PTH2R: variants seen among roughly 807,000 people sequenced by gnomAD.
The protein encoded by PTH2R is PTH2 receptor.
A neutral mutation model predicts 60.3 loss-of-function variants in PTH2R; 59 were observed. The observed-to-expected ratio is 0.98, with a 90% CI of 0.79 to 1.22. The LOEUF is 1.22. PTH2R is among the 50% of genes most tolerant of loss of function. PTH2R has a pLI of 0.00. For synonymous variants in PTH2R, 256 were observed against 243.8 expected (o/e 1.05, Z -0.47); for missense variants, 749 against 682.6 (o/e 1.10, Z -1.08).
chr2:208,406,701 G>A (rs908397876), upstream of PTH2R: 1 of 210,446 alleles, frequency 4.8e-6, no homozygotes, highest in African/African-American at 2.3e-5. Flanking sequence ...GGAGGAGCGC[G>A]AGCGCAGCCG....
intron 9 of PTH2R, 55 bp downstream of exon 9, chr2:208,460,016 A>G (rs1262017976): frequency 6.8e-7 from 1 of 1,465,860 alleles, no homozygotes; most frequent in Non-Finnish European, 9.5e-7. Flanking sequence ...ACCTGCTGCT[A>G]AAACCCAGAG....
At chr2:208,396,706 T>C (rs1701214665) in intron 1 of PTH2R, among the ~76,000 whole-genome samples, 1 of 152,142 alleles carries the variant, frequency 6.6e-6, no homozygotes, top group African/African-American at 2.4e-5. Flanking sequence ...ACGCTGTTGG[T>C]GGGAGTGTAA....
chr2:208,437,057 A>G (rs79274862), intron 2 of PTH2R, among the ~76,000 whole-genome samples: 3,971 of 152,236 alleles, frequency 0.026, 76 homozygotes, highest in South Asian at 0.04. Context: ...GTTGTTTGAG[A>G]TGAATGTTAG....
chr2:208,448,317 A>T (rs1280423783), intron 7 of PTH2R, among the ~76,000 whole-genome samples: 2 of 152,094 alleles, frequency 1.3e-5, no homozygotes, highest in Non-Finnish European at 2.9e-5. Flanking sequence ...AACATTTTTA[A>T]TTTGTAGTTA....
At chr2:208,491,859 C>T (rs1378564593) in intron 12 of PTH2R, among the ~76,000 whole-genome samples, 1 of 152,174 alleles carries the variant, frequency 6.6e-6, no homozygotes, top group Non-Finnish European at 1.5e-5. Flanking sequence ...ACTGTCTGCT[C>T]TTTCTGGCTG....
chr2:208,428,818 C>G (rs1701911742), intron 2 of PTH2R, among the ~76,000 whole-genome samples: 1 of 152,222 alleles, frequency 6.6e-6, no homozygotes, highest in Non-Finnish European at 1.5e-5. Flanking sequence ...GGCACGGTGG[C>G]TCACGCCTGT....
chr2:208,490,869 A>G (rs1703389181), intron 12 of PTH2R, among the ~76,000 whole-genome samples, 189 bp downstream of exon 12: 1 of 152,252 alleles, frequency 6.6e-6, no homozygotes, highest in South Asian at 2.1e-4. Context: ...TTCCTCTTCT[A>G]GCACTTTTAA....
intron 2 of PTH2R, among the ~76,000 whole-genome samples, chr2:208,434,702 A>C (rs1426778239): frequency 6.6e-6 from 1 of 152,202 alleles, no homozygotes; most frequent in Non-Finnish European, 1.5e-5. Flanking sequence ...TACTGGGCAC[A>C]TATCGACTGG....
intron 1 of PTH2R, among the ~76,000 whole-genome samples, chr2:208,419,845 T>C (rs989415298): frequency 5.3e-5 from 8 of 152,316 alleles, no homozygotes; most frequent in African/African-American, 1.9e-4. Context: ...CGTATGTTTA[T>C]TGCGGCACTA....
At position 208,428,077 on chromosome 2, in the gene PTH2R, G is replaced by A. The variant is rs1428640392; in HGVS notation, c.76-124G>A. On this transcript the variant is annotated intron_variant, in intron 1 of 12. Transcript: ENST00000272847. ...ATTTTGAATTTTGATTCAGATAAAGGACTATTTCAAATAGCTTGATATCAA... is the reference window on the plus strand; with the variant it reads ...ATTTTGAATTTTGATTCAGATAAAGAACTATTTCAAATAGCTTGATATCAA... 43 of 655,330 alleles carry A rather than the reference G, an allele frequency of 6.6e-5. No homozygotes were observed. In the East Asian group the frequency reaches 1.1e-3, roughly 17 times the overall value. 40.6% of individuals were successfully genotyped at this position (655,330 alleles called of 1,614,324 possible). A position where few individuals can be genotyped will look rare whatever the true frequency, so the allele number is the denominator to read the frequency against.
intron 1 of PTH2R, among the ~76,000 whole-genome samples, chr2:208,427,493 TA>T (rs201731225): frequency 1.5e-4 from 23 of 149,834 alleles, no homozygotes; most frequent in Admixed American, 3.3e-4. Context: ...TCTCATTTTC[TA>T]AAAAAAAAAT....
At position 208,481,067 on chromosome 2, in the gene PTH2R, C is replaced by T; in HGVS notation, c.982-3C>T. Reference sequence around the variant, plus strand: ...TTCTTTGTAATCTTACCTTCTTTTTCAGCTGAATTTTATTCTGTTTCTGAA... The same window carrying T: ...TTCTTTGTAATCTTACCTTCTTTTTTAGCTGAATTTTATTCTGTTTCTGAA... On this transcript the variant is annotated splice_region_variant and splice_polypyrimidine_tract_variant and intron_variant, in intron 9 of 12. Transcript: ENST00000272847. 6.3e-7 allele frequency: 1 copy of T among 1,577,328 alleles called. No individual in the cohort carries two copies. The highest frequency in any genetic ancestry group is 8.7e-7 in the Non-Finnish European group (1 of 1,151,970).
At chr2:208,434,945 G>A (rs564704768) in intron 2 of PTH2R, among the ~76,000 whole-genome samples, 1 of 152,332 alleles carries the variant, frequency 6.6e-6, no homozygotes, top group East Asian at 1.9e-4. Flanking sequence ...CCTGTGATAT[G>A]TAAAGCTCGG....
At chr2:208,388,361 C>T (rs575066912) in intron 1 of PTH2R, among the ~76,000 whole-genome samples, 12 of 152,096 alleles carry the variant, frequency 7.9e-5, no homozygotes, top group African/African-American at 2.4e-4. Context: ...TCAATGGCAT[C>T]GATCCCAACA....
chr2:208,414,771 G>T (rs1454594200), intron 1 of PTH2R, among the ~76,000 whole-genome samples: 1 of 152,044 alleles, frequency 6.6e-6, no homozygotes, highest in Non-Finnish European at 1.5e-5. Flanking sequence ...ATAAAAATCA[G>T]AAGAAGGATC....
At chr2:208,395,192 C>T (rs1051584758) in intron 1 of PTH2R, among the ~76,000 whole-genome samples, 7 of 151,960 alleles carry the variant, frequency 4.6e-5, no homozygotes, top group Admixed American at 1.3e-4. Flanking sequence ...GGACTACATG[C>T]GCCCGCCACC....
chr2:208,367,401 A>G (rs1467796904), intron 1 of PTH2R, among the ~76,000 whole-genome samples: 3 of 150,234 alleles, frequency 2.0e-5, no homozygotes, highest in Non-Finnish European at 4.4e-5. Flanking sequence ...TAATTCAGCT[A>G]AAGTTTTTAT....
chr2:208,370,347 G>A (rs1020090017), intron 1 of PTH2R, among the ~76,000 whole-genome samples: 3 of 147,674 alleles, frequency 2.0e-5, no homozygotes, highest in East Asian at 4.2e-4. Flanking sequence ...GGAGGCTGAG[G>A]CAGGAGAATG....
intron 10 of PTH2R, among the ~76,000 whole-genome samples, chr2:208,484,150 A>G (rs1182349456): frequency 6.6e-6 from 1 of 152,264 alleles, no homozygotes; most frequent in African/African-American, 2.4e-5. Context: ...CATCTAAAAC[A>G]GTTACAGAGC....
Sources: allele counts gnomAD v4.1 joint callset (sites outside exome capture counted in the v4.1 genomes callset), GRCh38; gene constraint gnomAD v4.1.1; transcripts MANE v1.5; gene names NCBI Gene and HGNC (gene_info 2026-07-23, HGNC 2026-07-21).